GNPTG: variants seen among roughly 807,000 people sequenced by gnomAD.
GNPTG encodes the protein N-acetylglucosamine-1-phosphotransferase subunit gamma.
In GNPTG, 46 loss-of-function variants were observed where a neutral mutation model predicts 43.8. The observed-to-expected ratio is 1.05, with a 90% CI of 0.83 to 1.34. The LOEUF is 1.34. GNPTG is among the 40% of genes most tolerant of loss of function. The pLI is 0.00. For missense variants in GNPTG, 549 were observed against 411.3 expected (o/e 1.33, Z -2.90); for synonymous variants, 250 against 172.8 (o/e 1.45, Z -3.50).
intron 3 of GNPTG, 106 bp downstream of exon 3, chr16:1,352,412 T>C (rs2034701386): frequency 8.8e-7 from 1 of 1,135,212 alleles, no homozygotes; most frequent in Non-Finnish European, 1.3e-6. Context: ...TCTAAAGCAT[T>C]GGTTTGTCAG....
chr16:1,354,774 CCA>C (rs1262213828), intron 3 of GNPTG, among the ~76,000 whole-genome samples: 5 of 152,250 alleles, frequency 3.3e-5, no homozygotes, highest in African/African-American at 1.2e-4. Flanking sequence ...CATTTGTTTC[CCA>C]GTTTCCTGAT....
intron 3 of GNPTG, chr16:1,352,518 G>T: frequency 1.6e-6 from 1 of 620,532 alleles, no homozygotes; most frequent in Non-Finnish European, 2.9e-6. Flanking sequence ...TTTCCTTTCC[G>T]AGAGGTAACT....
chr16:1,363,898 A>C lies in GNPTG; in HGVS notation c.*807A>C, dbSNP rs1228626013. The C allele has an allele frequency of 6.6e-6, 1 of 152,344 alleles. No homozygotes were observed. Among genetic ancestry groups the C allele is most frequent in the East Asian group, 1.9e-4 (1 of 5,186 alleles). The allele number at this position is 152,344 out of a possible 1,614,324, so 9.4% of individuals were successfully genotyped here. A position where few individuals can be genotyped will look rare whatever the true frequency, so the allele number is the denominator to read the frequency against. On this transcript the variant is annotated 3_prime_UTR_variant, in exon 11 of 11. Coordinates refer to ENST00000204679, the MANE Select transcript of GNPTG (RefSeq NM_032520.5). ...CCCACCCCTGGGGCTCCCCAGCTCT[A>C]CCACCCCGGAAGCTGAGCCCTGGAG...
At chr16:1,358,798 G>A (rs2034822028) in intron 3 of GNPTG, 1 of 151,900 alleles carries the variant, frequency 6.6e-6, no homozygotes, top group Non-Finnish European at 1.5e-5. Flanking sequence ...GTACCTTAGG[G>A]TTGTTTTAAT....
chr16:1,353,222 C>T (rs2034715924), intron 3 of GNPTG, among the ~76,000 whole-genome samples: 1 of 152,184 alleles, frequency 6.6e-6, no homozygotes, highest in South Asian at 2.1e-4. Context: ...AGTGATCCGC[C>T]CATCTCGGCC....
chr16:1,358,124 A>G (rs1283550343), intron 3 of GNPTG: 1 of 152,076 alleles, frequency 6.6e-6, no homozygotes, highest in Non-Finnish European at 1.5e-5. Flanking sequence ...TGATGTGTAC[A>G]CGCCCTTGCT....
At chr16:1,355,638 T>A (rs907206845) in intron 3 of GNPTG, among the ~76,000 whole-genome samples, 1 of 152,020 alleles carries the variant, frequency 6.6e-6, no homozygotes, top group South Asian at 2.1e-4. Flanking sequence ...GTGGTGGTCC[T>A]GCCAGCGCCC....
In GNPTG at chr16:1,362,026, G is replaced by GT; in HGVS notation, c.318-11dup. On this transcript the variant is annotated splice_polypyrimidine_tract_variant and intron_variant, in intron 5 of 10. Transcript: ENST00000204679. ...CCACCCGGCCTCACGTGCCGTGCCC[G>GT]TGTCTCCCCAGCATCTGGCACGAGT... 6.2e-7 allele frequency: 1 copy of GT among 1,612,756 alleles called. No homozygotes were observed.
chr16:1,355,836 G>A, intron 3 of GNPTG, among the ~76,000 whole-genome samples: 1 of 152,046 alleles, frequency 6.6e-6, no homozygotes, highest in Non-Finnish European at 1.5e-5. Context: ...GCGGCTCCCA[G>A]CATGTGAGTT....
At chr16:1,355,022 G>A (rs376804364) in intron 3 of GNPTG, among the ~76,000 whole-genome samples, 1 of 151,972 alleles carries the variant, frequency 6.6e-6, no homozygotes, top group East Asian at 1.9e-4. Flanking sequence ...GGCGTGGATC[G>A]TCTCCCGCAT....
At position 1,352,083 on chromosome 16, in the gene GNPTG, A is replaced by G; in HGVS notation, c.53-19A>G. The G allele has an allele frequency of 1.9e-6, 3 of 1,552,930 alleles. No individual in the cohort carries two copies. The highest frequency in any genetic ancestry group is 2.6e-6 in the Non-Finnish European group (3 of 1,150,478). On this transcript the variant is annotated intron_variant, in intron 1 of 10. Transcript: ENST00000204679. ...GCTCTGCACCCCGGCCTCCCCGCTC[A>G]CGGTCTCGCTCCCCGTAGGGCCCGC... is the stretch of plus-strand genomic sequence containing the variant.
At chr16:1,358,362 A>T (rs970463486) in intron 3 of GNPTG, 1 of 152,314 alleles carries the variant, frequency 6.6e-6, no homozygotes, top group East Asian at 1.9e-4. Flanking sequence ...TAGGTGACTC[A>T]TAACTGTGTG....
chr16:1,360,506 C>A (rs1234717897), intron 3 of GNPTG: 2 of 152,200 alleles, frequency 1.3e-5, no homozygotes, highest in Non-Finnish European at 2.9e-5. Context: ...CACGTGGGAT[C>A]CCAGCTACTC....
chr16:1,362,183 A>G lies in GNPTG; in HGVS notation c.412-23A>G, dbSNP rs767760180. 4.3e-6 allele frequency: 7 copies of G among 1,613,210 alleles called. No homozygotes were observed. The East Asian group carries it at 1.6e-4, about 36-fold the overall frequency. On this transcript the variant is annotated intron_variant, in intron 6 of 10. Coordinates refer to ENST00000204679, the MANE Select transcript of GNPTG (RefSeq NM_032520.5). ...AGAGGGGCCCCAGTCTCCCCAACCC[A>G]CCTACCCACGTTCCCTCCCCAGGTG...
chr16:1,359,549 T>C (rs575531325), intron 3 of GNPTG, among the ~76,000 whole-genome samples: 16 of 152,286 alleles, frequency 1.1e-4, no homozygotes, highest in African/African-American at 3.6e-4. Flanking sequence ...ATTACAGGCG[T>C]GAGACCCTGC....
In GNPTG at chr16:1,362,084, T is replaced by C; in HGVS notation, c.364T>C (p.Trp122Arg). The C allele has an allele frequency of 1.9e-6, 3 of 1,612,090 alleles. No individual in the cohort carries two copies. The highest frequency in any genetic ancestry group is 2.5e-6 in the Non-Finnish European group (3 of 1,179,442). ...CGCCAACAACACCTTCACGGGCATG[T>C]GGATGAGGGACGGTGACGCCTGCCG... ...EIANNTFTGMWMRDGDACRSR... is the reference protein window; with the variant it reads ...EIANNTFTGMRMRDGDACRSR... Residue 122 changes from tryptophan (W) to arginine (R), a missense_variant, in exon 6 of 11, where the codon TGG becomes CGG. Trp to Arg is a moderately radical substitution (Grantham distance 101). Transcript: ENST00000204679.
Position 1,363,343 on chromosome 16 carries a change from T to TA in GNPTG, c.*255dup. Reference sequence around the variant, plus strand: ...ACAGTTCGCTACAAGTAAATGATTATAAATACTACCTTCTGGGTTAAGAAA... The same window carrying TA: ...ACAGTTCGCTACAAGTAAATGATTATAAAATACTACCTTCTGGGTTAAGAAA... On this transcript the variant is annotated 3_prime_UTR_variant, in exon 11 of 11. Transcript: ENST00000204679. 1 of 497,912 alleles carries TA rather than the reference T, an allele frequency of 2.0e-6. No homozygotes were observed. Among genetic ancestry groups the TA allele is most frequent in the African/African-American group, 1.9e-5 (1 of 51,694 alleles). 30.8% of individuals were successfully genotyped at this position (497,912 alleles called of 1,614,324 possible). A position where few individuals can be genotyped will look rare whatever the true frequency, so the allele number is the denominator to read the frequency against.
In GNPTG at chr16:1,361,750, G is replaced by GCATCT; in HGVS notation, c.188_192dup (p.Phe65IlefsTer27). On this transcript the variant is annotated frameshift_variant, in exon 4 of 11. Transcript: ENST00000204679. LOFTEE classifies it high-confidence loss of function. Reference sequence around the variant, plus strand: ...GTGTGAGGTCTCTTCCAGGACCCGTGCATCTCTTCCGACTCTCGGGCAAGT... The same window carrying GCATCT: ...GTGTGAGGTCTCTTCCAGGACCCGTGCATCTCATCTCTTCCGACTCTCGGGCAAGT... 1 of 1,614,172 alleles carries GCATCT rather than the reference G, an allele frequency of 6.2e-7. No individual in the cohort carries two copies. Among genetic ancestry groups the GCATCT allele is most frequent in the Non-Finnish European group, 8.5e-7 (1 of 1,180,042 alleles).
chr16:1,356,622 A>C (rs1312562037), intron 3 of GNPTG, among the ~76,000 whole-genome samples: 2 of 152,156 alleles, frequency 1.3e-5, no homozygotes, highest in Non-Finnish European at 2.9e-5. Flanking sequence ...AGCCAGTAGG[A>C]GTCCACTGAA....
Sources: allele counts gnomAD v4.1 joint callset (sites outside exome capture counted in the v4.1 genomes callset), GRCh38; gene constraint gnomAD v4.1.1; transcripts MANE v1.5; gene names NCBI Gene and HGNC (gene_info 2026-07-23, HGNC 2026-07-21).